Variants in LARGE1 observed in about 807,000 individuals in gnomAD.
LARGE1 encodes the protein xylosyl- and glucuronyltransferase LARGE1.
Under a neutral mutation model 87.6 loss-of-function variants are expected in LARGE1, and 43 were observed. The observed-to-expected ratio is 0.49, with a 90% CI of 0.38 to 0.63. LARGE1 has a LOEUF of 0.63. Among genes scored for constraint, LARGE1 ranks in the 30% least tolerant of loss-of-function variants. The pLI is 0.00. For synonymous variants in LARGE1, 434 were observed against 394.6 expected, an observed-to-expected ratio of 1.10 and a Z score of -1.18; for missense variants, 802 against 1,000.2, an observed-to-expected ratio of 0.80 and a Z score of 2.67.
chr22:33,094,005 G>A, the LARGE1 span, among the ~76,000 whole-genome samples: 1 of 151,822 alleles, frequency 6.6e-6, no homozygotes, highest in Non-Finnish European at 1.5e-5. Flanking sequence ...GCCTGCCTCG[G>A]TCTCCCAAAG....
chr22:33,900,995 C>T (rs1008033932), intron 1 of LARGE1, among the ~76,000 whole-genome samples: 1 of 152,042 alleles, frequency 6.6e-6, no homozygotes, highest in African/African-American at 2.4e-5. Context: ...TGCAGTGAGC[C>T]GAGATCGCGC....
chr22:33,339,155 A>T (rs1310950782), intron 9 of LARGE1, among the ~76,000 whole-genome samples: 4 of 106,630 alleles, frequency 3.8e-5, no homozygotes, highest in East Asian at 2.5e-4. Context: ...CTCAAAAAAT[A>T]AAAAAAAAAA....
At chr22:33,660,589 G>A (rs993858587) in intron 2 of LARGE1, among the ~76,000 whole-genome samples, 1 of 152,168 alleles carries the variant, frequency 6.6e-6, no homozygotes, top group East Asian at 1.9e-4. Context: ...GGTCTCCAAT[G>A]GTTGAGTCTG....
intron 3 of LARGE1, among the ~76,000 whole-genome samples, chr22:33,645,884 C>A (rs758222380): frequency 2.0e-5 from 3 of 152,146 alleles, no homozygotes; most frequent in African/African-American, 2.4e-5. Flanking sequence ...ATCAAAACCA[C>A]AATGAGATAC....
intron 1 of LARGE1, among the ~76,000 whole-genome samples, chr22:33,871,201 T>C (rs2064269888): frequency 6.6e-6 from 1 of 152,242 alleles, no homozygotes; most frequent in South Asian, 2.1e-4. Flanking sequence ...AATTAACGTA[T>C]ATTTATATTC....
intron 13 of LARGE1, among the ~76,000 whole-genome samples, chr22:33,282,894 G>C (rs1224519866): frequency 6.6e-6 from 1 of 152,140 alleles, no homozygotes; most frequent in Non-Finnish European, 1.5e-5. Context: ...AACCTAAACT[G>C]AGTTTAGAAA....
intron 6 of LARGE1, among the ~76,000 whole-genome samples, chr22:33,495,453 G>C (rs992356724): frequency 1.3e-4 from 20 of 152,194 alleles, no homozygotes; most frequent in African/African-American, 4.8e-4. Flanking sequence ...GGGCGTGGTG[G>C]CTCACACCTG....
chr22:33,449,377 C>T (rs1233408959), intron 6 of LARGE1, among the ~76,000 whole-genome samples: 1 of 152,178 alleles, frequency 6.6e-6, no homozygotes, highest in Non-Finnish European at 1.5e-5. Flanking sequence ...CTGTGCAGAG[C>T]TCCCCCAGGG....
At chr22:33,798,220 G>A (rs918103817) in intron 1 of LARGE1, among the ~76,000 whole-genome samples, 8 of 152,146 alleles carry the variant, frequency 5.3e-5, no homozygotes, top group African/African-American at 1.9e-4. Flanking sequence ...AACCTGGGAG[G>A]CAGAGGGTGC....
At chr22:33,538,682 C>T (rs1292767696) in intron 6 of LARGE1, among the ~76,000 whole-genome samples, 7 of 152,216 alleles carry the variant, frequency 4.6e-5, no homozygotes, top group South Asian at 4.2e-4. Context: ...CCCCCCACCA[C>T]GTGGCAGCCA....
At chr22:33,389,650 G>A (rs2065446249) in intron 7 of LARGE1, among the ~76,000 whole-genome samples, 1 of 152,166 alleles carries the variant, frequency 6.6e-6, no homozygotes, top group African/African-American at 2.4e-5. Context: ...TTTGAGACCA[G>A]CCTGGCCAAC....
chr22:33,104,016 A>AC, the LARGE1 span, among the ~76,000 whole-genome samples: 1 of 151,990 alleles, frequency 6.6e-6, no homozygotes, highest in East Asian at 1.9e-4. Context: ...AGTCCATTAA[A>AC]CCTCTTTTTC....
At chr22:33,448,807 G>GT (rs138574545) in intron 6 of LARGE1, among the ~76,000 whole-genome samples, 7,550 of 152,102 alleles carry the variant, frequency 0.05, 608 homozygotes, top group African/African-American at 0.17. Flanking sequence ...GCAAATGTTA[G>GT]TAACTGGGTG....
chr22:33,217,099 C>A (rs1389660672), intron 11 of LARGE1, among the ~76,000 whole-genome samples: 10 of 152,116 alleles, frequency 6.6e-5, no homozygotes, highest in Admixed American at 5.9e-4. Context: ...CTGGACAAGA[C>A]TTTTCTATGC....
intron 2 of LARGE1, chr22:33,656,831 G>A (rs573566165): frequency 4.8e-4 from 73 of 152,240 alleles, no homozygotes; most frequent in African/African-American, 1.7e-3. Context: ...ATTTATCATC[G>A]ACTCTGAATC....
chr22:33,250,352 T>C (rs1016533524), intron 11 of LARGE1, among the ~76,000 whole-genome samples: 1 of 152,228 alleles, frequency 6.6e-6, no homozygotes, highest in Non-Finnish European at 1.5e-5. Flanking sequence ...AAGCAATTGA[T>C]GTTTATACAT....
intron 5 of LARGE1, among the ~76,000 whole-genome samples, chr22:33,568,851 G>A (rs992842628): frequency 4.6e-5 from 7 of 151,164 alleles, no homozygotes; most frequent in African/African-American, 1.7e-4. Flanking sequence ...TGGATGGATG[G>A]ATGAATGCAT....
chr22:33,595,562 G>GTCAA (rs1249644223), intron 5 of LARGE1, among the ~76,000 whole-genome samples: 3 of 152,190 alleles, frequency 2.0e-5, no homozygotes, highest in Non-Finnish European at 2.9e-5. Context: ...TGTTTTAAGG[G>GTCAA]TCAACTGTCA....
intron 11 of LARGE1, among the ~76,000 whole-genome samples, chr22:33,225,470 C>T (rs1925685501): frequency 6.6e-6 from 1 of 152,150 alleles, no homozygotes; most frequent in Non-Finnish European, 1.5e-5. Flanking sequence ...TTTAAATAAT[C>T]AGATAATATA....
Sources: allele counts gnomAD v4.1 joint callset (sites outside exome capture counted in the v4.1 genomes callset), GRCh38; gene constraint gnomAD v4.1.1; transcripts MANE v1.5; gene names NCBI Gene and HGNC (gene_info 2026-07-23, HGNC 2026-07-21).